The following MEIS2 variants were observed in gnomAD, a reference collection of about 807,000 sequenced individuals.
MEIS2 encodes the protein homeobox protein Meis2.
A neutral mutation model predicts 58.6 loss-of-function variants in MEIS2; 9 were observed. The ratio of observed to expected loss-of-function variants is 0.15; its 90% CI spans 0.09 to 0.27. MEIS2 has a LOEUF of 0.27. Among genes scored for constraint, MEIS2 ranks in the 10% least tolerant of loss-of-function variants. MEIS2 has a pLI of 1.00. For missense variants in MEIS2, 427 were observed against 635.0 expected (o/e 0.67, Z 3.52); for synonymous variants, 221 against 228.4 (o/e 0.97, Z 0.29).
chr15:36,973,542 C>T (rs1471234980), intron 8 of MEIS2, among the ~76,000 whole-genome samples: 2 of 152,096 alleles, frequency 1.3e-5, no homozygotes, highest in African/African-American at 4.8e-5. Flanking sequence ...TGTTATAAAA[C>T]ATTGGTTTAA....
chr15:36,929,906 A>G (rs1014956397), intron 9 of MEIS2, among the ~76,000 whole-genome samples: 9 of 152,206 alleles, frequency 5.9e-5, no homozygotes, highest in African/African-American at 1.7e-4. Flanking sequence ...TTGAGGATTA[A>G]AAGTTATCCA....
chr15:36,909,427 T>C (rs143996386), intron 9 of MEIS2, among the ~76,000 whole-genome samples: 15 of 152,308 alleles, frequency 9.8e-5, no homozygotes, highest in Admixed American at 9.8e-4. Flanking sequence ...ATAGGGTTCC[T>C]TCATCTCGGA....
At chr15:37,042,504 T>C (rs1370738539) in intron 7 of MEIS2, among the ~76,000 whole-genome samples, 1 of 152,120 alleles carries the variant, frequency 6.6e-6, no homozygotes, top group Non-Finnish European at 1.5e-5. Context: ...TAAATTGGAG[T>C]CCAGGCATGG....
chr15:36,899,353 A>G (rs562249662), intron 9 of MEIS2, among the ~76,000 whole-genome samples: 2 of 152,232 alleles, frequency 1.3e-5, no homozygotes, highest in Non-Finnish European at 2.9e-5. Context: ...ACATTAAAAA[A>G]TGAAATTACC....
In MEIS2 at chr15:36,891,072, C is replaced by T. The variant is rs2055823905; in HGVS notation, c.*1101G>A. The T allele has an allele frequency of 8.8e-6, 1 of 113,156 alleles. No homozygotes were observed. The highest frequency in any genetic ancestry group is 1.8e-5 in the Non-Finnish European group (1 of 54,758). 7.0% of individuals were successfully genotyped at this position (113,156 alleles called of 1,614,324 possible). ...TATTACCGCTTTTTGTGACTTAACA[C>T]CTTTTTTTTTTTAACATAACGTCAC... is the stretch of plus-strand genomic sequence containing the variant. On this transcript the variant is annotated 3_prime_UTR_variant, in exon 12 of 12. Coordinates refer to ENST00000561208, the MANE Select transcript of MEIS2 (RefSeq NM_170675.5).
intron 10 of MEIS2, among the ~76,000 whole-genome samples, chr15:36,896,067 G>A (rs568927696): frequency 6.6e-6 from 1 of 152,198 alleles, no homozygotes; most frequent in Non-Finnish European, 1.5e-5. Flanking sequence ...AACTGTTTTA[G>A]AGAAATTGAG....
chr15:36,916,891 G>A (rs967576708), intron 9 of MEIS2, among the ~76,000 whole-genome samples: 1 of 151,980 alleles, frequency 6.6e-6, no homozygotes, highest in African/African-American at 2.4e-5. Context: ...TAACATTATC[G>A]GCATCCCCAT....
intron 7 of MEIS2, among the ~76,000 whole-genome samples, chr15:37,049,894 G>A (rs900721062): frequency 6.6e-5 from 10 of 151,376 alleles, no homozygotes; most frequent in Admixed American, 3.3e-4. Context: ...AATTTTTTCT[G>A]AATTGCTTCA....
chr15:37,084,667 G>A (rs1453140811), intron 6 of MEIS2, among the ~76,000 whole-genome samples: 2 of 152,120 alleles, frequency 1.3e-5, no homozygotes, highest in Non-Finnish European at 2.9e-5. Flanking sequence ...CAAAGGACAT[G>A]CAAGGCAAAC....
intron 7 of MEIS2, among the ~76,000 whole-genome samples, chr15:37,052,348 T>C (rs113119555): frequency 4.6e-5 from 7 of 152,300 alleles, no homozygotes; most frequent in African/African-American, 1.7e-4. Context: ...AGTTTGGTAG[T>C]GTAATTCCTA....
intron 8 of MEIS2, among the ~76,000 whole-genome samples, chr15:36,996,291 A>G (rs1024654003): frequency 1.3e-5 from 2 of 151,936 alleles, no homozygotes; most frequent in African/African-American, 4.8e-5. Context: ...ATTCTTTTCA[A>G]CAGCTCTAGG....
chr15:36,892,117 A>G lies in MEIS2; in HGVS notation c.*56T>C. On this transcript the variant is annotated 3_prime_UTR_variant, in exon 12 of 12. Coordinates refer to ENST00000561208, the MANE Select transcript of MEIS2 (RefSeq NM_170675.5). ...AAGTGTCAACATCTGGTCAAAGTTC[A>G]GAAAGTCTTAAAATAGTTTTTGCGT... The G allele has an allele frequency of 6.4e-7, 1 of 1,570,294 alleles. No homozygotes were observed. The highest frequency in any genetic ancestry group is 8.7e-7 in the Non-Finnish European group (1 of 1,144,708).
At position 37,036,905 on chromosome 15, in the gene MEIS2, G is replaced by A. The variant is rs369609025; in HGVS notation, c.809C>T (p.Pro270Leu). ...ASPGTGDDDD[P>L]DKDKKRQKKR... ...CTTCTGGCGTTTTTTGTCCTTATCC[G>A]GATCATCATCGTCACCTGTACCAGG... Residue 270 changes from proline to leucine, a missense_variant, in exon 8 of 12, where the codon CCG becomes CTG. Physicochemically the swap from Pro to Leu is moderately conservative, Grantham distance 98. Coordinates refer to ENST00000561208, the MANE Select transcript of MEIS2 (RefSeq NM_170675.5). 4.5e-5 allele frequency: 72 copies of A among 1,613,402 alleles called. No individual in the cohort carries two copies. The highest frequency in any genetic ancestry group is 1.8e-4 in the East Asian group (8 of 44,852).
At chr15:36,898,643 C>T (rs1353371696) in intron 9 of MEIS2, 2 of 152,156 alleles carry the variant, frequency 1.3e-5, no homozygotes, top group Non-Finnish European at 2.9e-5. Context: ...CCCCCAAACA[C>T]TCCCTTACTC....
At chr15:37,033,153 G>C (rs1332960352) in intron 8 of MEIS2, among the ~76,000 whole-genome samples, 1 of 152,010 alleles carries the variant, frequency 6.6e-6, no homozygotes, top group Non-Finnish European at 1.5e-5. Context: ...TCCACCTCTG[G>C]GCCTTTTGAG....
At chr15:36,956,418 T>C (rs1031256387) in intron 8 of MEIS2, among the ~76,000 whole-genome samples, 1 of 152,126 alleles carries the variant, frequency 6.6e-6, no homozygotes, top group Non-Finnish European at 1.5e-5. Flanking sequence ...ACTTCCCCTT[T>C]CTTTTTGATA....
chr15:36,944,562 G>A (rs2058492012), intron 9 of MEIS2, among the ~76,000 whole-genome samples: 1 of 152,110 alleles, frequency 6.6e-6, no homozygotes, highest in Admixed American at 6.6e-5. Context: ...GGCATAGGAA[G>A]TGATCTGAAA....
chr15:36,922,619 CTTTTTT>C lies in MEIS2; in HGVS notation c.978-25939_978-25934del, dbSNP rs59227539. ...GAAACCTCAGTAACTTTCTTTCTTT[CTTTTTT>C]TTTTTTTTTTTGTGATGGAGTTTTG... On this transcript the variant is annotated intron_variant, in intron 9 of 11. Transcript: ENST00000561208. Among the ~76,000 whole-genome samples the C allele has an allele frequency of 3.9e-5, 5 of 126,892 alleles. No homozygotes were observed. In the East Asian group the frequency reaches 8.7e-4, roughly 22 times the overall value. 83.2% of individuals were successfully genotyped at this position (126,892 alleles called of 152,430 possible).
At chr15:37,016,641 T>C (rs1168668504) in intron 8 of MEIS2, among the ~76,000 whole-genome samples, 1 of 152,168 alleles carries the variant, frequency 6.6e-6, no homozygotes, top group African/African-American at 2.4e-5. Flanking sequence ...AAAAAAGAAA[T>C]TCCTACTATT....
Sources: gnomAD v4.1 joint callset for allele counts (sites outside exome capture counted in the v4.1 genomes callset) on GRCh38, gnomAD v4.1.1 for gene constraint, MANE v1.5 for transcripts, NCBI Gene and HGNC (gene_info 2026-07-23, HGNC 2026-07-21) for gene names.